UBE3C: variants seen among roughly 807,000 people sequenced by gnomAD.
UBE3C encodes the protein ubiquitin-protein ligase E3C.
A neutral mutation model predicts 129.4 loss-of-function variants in UBE3C; 42 were observed. That is an observed-to-expected ratio of 0.32 (90% CI 0.25 to 0.42). UBE3C has a LOEUF of 0.42. Ranked by LOEUF, UBE3C falls within the 10% of genes least tolerant of loss-of-function variation. The pLI, the probability that UBE3C is intolerant of heterozygous loss-of-function variation, is 1.00. For synonymous variants in UBE3C, 510 were observed against 492.4 expected (o/e 1.04, Z -0.47); for missense variants, 1,049 against 1,319.1 (o/e 0.80, Z 3.17).
intron 13 of UBE3C, among the ~76,000 whole-genome samples, chr7:157,208,319 TC>T (rs1283231124): frequency 6.6e-6 from 1 of 152,090 alleles, no homozygotes; most frequent in East Asian, 1.9e-4. Flanking sequence ...CATGGATTCC[TC>T]CTGCTTCTGC....
intron 1 of UBE3C, among the ~76,000 whole-genome samples, chr7:157,153,139 A>G (rs1807804130): frequency 6.6e-6 from 1 of 152,186 alleles, no homozygotes; most frequent in Non-Finnish European, 1.5e-5. Flanking sequence ...CAGAGGTTGC[A>G]GTGAGCAGAG....
chr7:157,218,364 G>T (rs1490706110), intron 14 of UBE3C, among the ~76,000 whole-genome samples: 1 of 150,714 alleles, frequency 6.6e-6, no homozygotes, highest in Non-Finnish European at 1.5e-5. Context: ...CAGGAGAATC[G>T]CTTGAACCTG....
At chr7:157,140,717 C>G (rs1471050038) in intron 1 of UBE3C, among the ~76,000 whole-genome samples, 1 of 152,160 alleles carries the variant, frequency 6.6e-6, no homozygotes, top group Non-Finnish European at 1.5e-5. Flanking sequence ...CTGTTGCAGG[C>G]AGGAACACCC....
chr7:157,166,102 C>A (rs906557261), intron 2 of UBE3C, among the ~76,000 whole-genome samples: 1 of 152,192 alleles, frequency 6.6e-6, no homozygotes, highest in African/African-American at 2.4e-5. Flanking sequence ...TTCTTTGACT[C>A]TTTGACCTTG....
At chr7:157,171,595 C>T (rs1808366548) in intron 4 of UBE3C, among the ~76,000 whole-genome samples, 1 of 142,646 alleles carries the variant, frequency 7.0e-6, no homozygotes, top group Admixed American at 7.2e-5. Flanking sequence ...TGTTACTGTC[C>T]ATTTTCTCAA....
Position 157,178,605 on chromosome 7 carries a change from A to T in UBE3C, c.459-85A>T, listed in dbSNP as rs1364548089. 8 of 1,404,888 alleles carry T rather than the reference A, an allele frequency of 5.7e-6. No homozygotes were observed. The African/African-American group carries it at 8.5e-5, about 15-fold the overall frequency. 87.0% of individuals were successfully genotyped at this position (1,404,888 alleles called of 1,614,324 possible). ...TAATCTTGTACTGGAATAGTTTCTT[A>T]ACCATTGTCACTGAGAGTAACTTGG... On this transcript the variant is annotated intron_variant, in intron 5 of 22. Coordinates refer to ENST00000348165, the MANE Select transcript of UBE3C (RefSeq NM_014671.3).
At chr7:157,252,698 A>G (rs1471169454) in intron 19 of UBE3C, among the ~76,000 whole-genome samples, 3 of 152,260 alleles carry the variant, frequency 2.0e-5, no homozygotes, top group African/African-American at 7.2e-5. Context: ...CATCAGTGCC[A>G]TTGCCCAGAG....
intron 19 of UBE3C, among the ~76,000 whole-genome samples, chr7:157,250,762 C>T (rs761681007): frequency 2.6e-5 from 4 of 152,158 alleles, no homozygotes; most frequent in Admixed American, 6.6e-5. Context: ...AGGAAGTACT[C>T]GACATCCAGT....
chr7:157,157,185 T>A (rs1367813183), intron 1 of UBE3C, among the ~76,000 whole-genome samples: 1 of 152,142 alleles, frequency 6.6e-6, no homozygotes. Flanking sequence ...ATTAAAAAAT[T>A]CAATATACAG....
At chr7:157,181,455 G>C (rs1490866007) in intron 6 of UBE3C, 63 bp from the exon 7 acceptor site, 1 of 1,448,940 alleles carries the variant, frequency 6.9e-7, no homozygotes, top group African/African-American at 1.5e-5. Context: ...TTAAAAATTG[G>C]CAAGTTTTTT....
At chr7:157,164,662 G>T in intron 2 of UBE3C, 1 of 338,096 alleles carries the variant, frequency 3.0e-6, no homozygotes, top group Non-Finnish European at 5.8e-6. Context: ...TTTAGGTAGA[G>T]TTTTTTGTTT....
chr7:157,189,202 C>T, intron 10 of UBE3C: 1 of 375,798 alleles, frequency 2.7e-6, no homozygotes, highest in Non-Finnish European at 4.7e-6. Context: ...AAGTGCTCTT[C>T]TGAGTACACT....
At chr7:157,209,667 A>G (rs542289858) in intron 13 of UBE3C, among the ~76,000 whole-genome samples, 90 of 152,328 alleles carry the variant, frequency 5.9e-4, no homozygotes, top group African/African-American at 2.1e-3. Context: ...ATGATATCAG[A>G]TAATTTCACT....
intron 16 of UBE3C, among the ~76,000 whole-genome samples, chr7:157,223,903 A>G (rs1217837553): frequency 6.6e-6 from 1 of 152,198 alleles, no homozygotes; most frequent in African/African-American, 2.4e-5. Context: ...CTGGGCAACA[A>G]AGCCAGAACC....
At chr7:157,226,776 T>C (rs2116627200) in intron 17 of UBE3C, among the ~76,000 whole-genome samples, 1 of 152,040 alleles carries the variant, frequency 6.6e-6, no homozygotes, top group Non-Finnish European at 1.5e-5. Flanking sequence ...CATGGCCCTC[T>C]GATGCCGAGT....
chr7:157,176,199 C>T (rs1367206760), intron 5 of UBE3C, among the ~76,000 whole-genome samples: 1 of 152,186 alleles, frequency 6.6e-6, no homozygotes, highest in African/African-American at 2.4e-5. Context: ...GAGTTCGAGG[C>T]TGCAGTGAGC....
At chr7:157,257,742 CAA>C (rs11436417) in intron 22 of UBE3C, among the ~76,000 whole-genome samples, 4 of 95,532 alleles carry the variant, frequency 4.2e-5, no homozygotes, top group Admixed American at 1.4e-4. Flanking sequence ...ACCCTGTCTC[CAA>C]AAAAAAAAAA....
chr7:157,247,464 G>A (rs1040007037), intron 18 of UBE3C, among the ~76,000 whole-genome samples: 5 of 152,158 alleles, frequency 3.3e-5, no homozygotes, highest in African/African-American at 1.2e-4. Context: ...GGCCGAAGTG[G>A]GTGGATCACC....
At chr7:157,153,715 A>G (rs1239470363) in intron 1 of UBE3C, among the ~76,000 whole-genome samples, 2 of 152,032 alleles carry the variant, frequency 1.3e-5, no homozygotes, top group Non-Finnish European at 2.9e-5. Context: ...TAAAAAGTTA[A>G]CTTTTCCTCC....
Sources: gnomAD v4.1 joint callset for allele counts (sites outside exome capture counted in the v4.1 genomes callset) on GRCh38, gnomAD v4.1.1 for gene constraint, MANE v1.5 for transcripts, NCBI Gene and HGNC (gene_info 2026-07-23, HGNC 2026-07-21) for gene names.